The following CLCN4 variants were observed in gnomAD, a reference collection of about 807,000 sequenced individuals.
CLCN4 encodes the protein Cl-/H+ antiporter 4.
Under a neutral mutation model 41.7 loss-of-function variants are expected in CLCN4, and 1 was observed. The ratio of observed to expected loss-of-function variants is 0.02; its 90% confidence interval spans 0.01 to 0.11. CLCN4 has a LOEUF of 0.11. Among genes scored for constraint, CLCN4 ranks in the 10% least tolerant of loss-of-function variants. CLCN4 has a pLI of 1.00. For synonymous variants in CLCN4, 277 were observed against 285.8 expected (o/e 0.97, Z 0.31); for missense variants, 287 against 661.0 (o/e 0.43, Z 6.20).
chrX:10,228,819 C>T (rs1925052304), intron 12 of CLCN4, among the ~76,000 whole-genome samples: 1 of 111,660 alleles, frequency 9.0e-6, no homozygotes, highest in Non-Finnish European at 1.9e-5. Flanking sequence ...TGGCTATAAA[C>T]CAACCGGTGT....
intron 11 of CLCN4, among the ~76,000 whole-genome samples, chrX:10,216,916 T>C (rs201751223): frequency 6.0e-3 from 122 of 20,418 alleles, no homozygotes; most frequent in East Asian, 0.024. Context: ...TATATATATA[T>C]ATACACACAC....
At chrX:10,172,745 A>C (rs1193321251) in intron 2 of CLCN4, among the ~76,000 whole-genome samples, 1 of 110,949 alleles carries the variant, frequency 9.0e-6, no homozygotes, top group East Asian at 2.8e-4. Context: ...GCTGTATTTT[A>C]AACTTCCACT....
chrX:10,158,880 C>T (rs954736438), intron 2 of CLCN4, among the ~76,000 whole-genome samples: 1 of 113,437 alleles, frequency 8.8e-6, no homozygotes, highest in African/African-American at 3.2e-5. Context: ...TGCATGCATT[C>T]TAAGTAGACA....
At chrX:10,207,794 A>G (rs1480217457) in intron 8 of CLCN4, among the ~76,000 whole-genome samples, 1 of 111,946 alleles carries the variant, frequency 8.9e-6, no homozygotes, top group Non-Finnish European at 1.9e-5. Context: ...CATGAACAGA[A>G]TTATGATTAA....
At chrX:10,200,792 A>G (rs575761567) in intron 6 of CLCN4, among the ~76,000 whole-genome samples, 37 of 112,043 alleles carry the variant, frequency 3.3e-4, no homozygotes, top group African/African-American at 1.1e-3. Flanking sequence ...AGTTTCAGGC[A>G]GTCCTCCTGC....
At position 10,212,507 on chromosome X, in the gene CLCN4, C is replaced by T. The variant is rs2147182625; in HGVS notation, c.1430C>T (p.Ala477Val). The change falls in exon 10 of 13, where the codon GCG becomes GTG. Residue 477 changes from alanine (A) to valine (V), a missense_variant. Coordinates refer to ENST00000380833, the MANE Select transcript of CLCN4 (RefSeq NM_001830.4). ...GLFIPSMAVG[A>V]IAGRMVGIGV... Reference sequence around the variant, plus strand: ...TTCATCCCCAGCATGGCTGTGGGCGCGATAGCGGGCAGGATGGTGGGAATT... The same window carrying T: ...TTCATCCCCAGCATGGCTGTGGGCGTGATAGCGGGCAGGATGGTGGGAATT... 5 of 1,211,633 alleles carry T rather than the reference C, an allele frequency of 4.1e-6. No individual in the cohort carries two copies. Among genetic ancestry groups the T allele is most frequent in the Non-Finnish European group, 5.6e-6 (5 of 895,411 alleles).
At chrX:10,185,852 CCATGCTGGCGGT>C (rs1312959235) in intron 3 of CLCN4, among the ~76,000 whole-genome samples, 1 of 111,536 alleles carries the variant, frequency 9.0e-6, no homozygotes, top group Non-Finnish European at 1.9e-5. Flanking sequence ...TGGGGAACGG[CCATGCTGGCGGT>C]GGAGAGGAGT....
At chrX:10,173,496 T>A (rs1333200175) in intron 2 of CLCN4, among the ~76,000 whole-genome samples, 1 of 111,231 alleles carries the variant, frequency 9.0e-6, no homozygotes, top group Admixed American at 9.5e-5. Context: ...TGGGGTTCCC[T>A]GGCAGTACCC....
At chrX:10,205,472 CAAAAA>C (rs758694004) in intron 6 of CLCN4, among the ~76,000 whole-genome samples, 1 of 53,005 alleles carries the variant, frequency 1.9e-5, no homozygotes, top group African/African-American at 7.0e-5. Flanking sequence ...GACTCCATCT[CAAAAA>C]AAAAAAAAAA....
intron 12 of CLCN4, among the ~76,000 whole-genome samples, chrX:10,230,341 TA>T (rs1925096669): frequency 8.9e-6 from 1 of 112,115 alleles, no homozygotes; most frequent in Non-Finnish European, 1.9e-5. Context: ...AGGGCAACTC[TA>T]ATGAGACCGG....
intron 1 of CLCN4, among the ~76,000 whole-genome samples, chrX:10,157,539 A>G (rs1278741908): frequency 8.9e-6 from 1 of 112,959 alleles, no homozygotes; most frequent in African/African-American, 3.2e-5. Flanking sequence ...GTATTTTGGC[A>G]AAAGAAAAGT....
intron 3 of CLCN4, among the ~76,000 whole-genome samples, chrX:10,186,705 G>A (rs1362528491): frequency 8.9e-6 from 1 of 111,991 alleles, no homozygotes; most frequent in Non-Finnish European, 1.9e-5. Context: ...ATGTGGGGTC[G>A]AGGCAGCATT....
chrX:10,183,059 T>C (rs1002223162), intron 2 of CLCN4, among the ~76,000 whole-genome samples: 2 of 111,892 alleles, frequency 1.8e-5, no homozygotes, highest in African/African-American at 3.3e-5. Flanking sequence ...TGTCGTCTTG[T>C]TTTTCCCATC....
intron 2 of CLCN4, among the ~76,000 whole-genome samples, chrX:10,179,874 C>T (rs2147164913): frequency 8.9e-6 from 1 of 112,089 alleles, no homozygotes; most frequent in African/African-American, 3.2e-5. Context: ...GACTGAGGCA[C>T]AGTAAGAAAG....
intron 12 of CLCN4, among the ~76,000 whole-genome samples, chrX:10,229,210 C>T (rs1398740233): frequency 1.8e-5 from 2 of 110,679 alleles, no homozygotes; most frequent in Non-Finnish European, 3.8e-5. Flanking sequence ...AGAGGCCCTT[C>T]CCAGTAACAA....
intron 11 of CLCN4, among the ~76,000 whole-genome samples, chrX:10,216,249 C>T (rs1010461414): frequency 1.8e-5 from 2 of 112,332 alleles, no homozygotes; most frequent in Non-Finnish European, 3.8e-5. Context: ...CAACTGCTCA[C>T]ATGAAGCTGA....
At chrX:10,175,230 C>T (rs1214715391) in intron 2 of CLCN4, among the ~76,000 whole-genome samples, 1 of 111,411 alleles carries the variant, frequency 9.0e-6, no homozygotes, top group Non-Finnish European at 1.9e-5. Context: ...GTCTGAAGGC[C>T]GTGGGGAGGA....
At chrX:10,212,965 G>C (rs780723476) in intron 10 of CLCN4, among the ~76,000 whole-genome samples, 2 of 111,674 alleles carry the variant, frequency 1.8e-5, no homozygotes, top group African/African-American at 6.5e-5. Flanking sequence ...CCTACCAAAC[G>C]TTGTAGCTTA....
At chrX:10,192,697 G>A (rs751003640) in intron 4 of CLCN4, among the ~76,000 whole-genome samples, 1 of 112,209 alleles carries the variant, frequency 8.9e-6, no homozygotes, top group East Asian at 2.8e-4. Context: ...CATTTGGAAA[G>A]CCTATTTGAC....
Sources: gnomAD v4.1 joint callset for allele counts (sites outside exome capture counted in the v4.1 genomes callset) on GRCh38, gnomAD v4.1.1 for gene constraint, MANE v1.5 for transcripts, NCBI Gene and HGNC (gene_info 2026-07-23, HGNC 2026-07-21) for gene names.